The following TMOD3 variants were observed in gnomAD, a reference collection of about 807,000 sequenced individuals.
TMOD3 encodes the protein tropomodulin-3.
TMOD3 carries 20 observed loss-of-function variants against 39.2 expected under a neutral mutation model. That is an observed-to-expected ratio of 0.51 (90% confidence interval 0.36 to 0.74). The LOEUF (loss-of-function observed/expected upper bound fraction) is 0.74, where lower values mean the gene tolerates loss of function less well. Among genes scored for constraint, TMOD3 ranks in the 30% least tolerant of loss-of-function variants. The pLI is 0.00. For synonymous variants in TMOD3, 143 were observed against 145.8 expected (o/e 0.98, Z 0.14); for missense variants, 381 against 412.8 (o/e 0.92, Z 0.67).
chr15:51,846,772 C>A (rs1351688785), intron 1 of TMOD3, among the ~76,000 whole-genome samples: 1 of 152,182 alleles, frequency 6.6e-6, no homozygotes, highest in Non-Finnish European at 1.5e-5. Flanking sequence ...TTATTACCAT[C>A]AGAGACTTGT....
At chr15:51,892,044 C>CT (rs2141702513) in intron 5 of TMOD3, among the ~76,000 whole-genome samples, 1 of 151,314 alleles carries the variant, frequency 6.6e-6, no homozygotes, top group African/African-American at 2.4e-5. Context: ...ATTTTCAAAC[C>CT]TTCATCTAAG....
chr15:51,868,649 G>T (rs543205952), intron 2 of TMOD3, among the ~76,000 whole-genome samples: 1 of 152,182 alleles, frequency 6.6e-6, no homozygotes, highest in Non-Finnish European at 1.5e-5. Context: ...TTTTCTGCTA[G>T]TAGAATCCTC....
intron 3 of TMOD3, among the ~76,000 whole-genome samples, chr15:51,873,373 G>A (rs1020663235): frequency 2.0e-5 from 3 of 152,196 alleles, no homozygotes; most frequent in Admixed American, 2.0e-4. Context: ...TAGACTTTCA[G>A]ATTGAGGATG....
intron 6 of TMOD3, among the ~76,000 whole-genome samples, chr15:51,894,492 C>G (rs988510472): frequency 2.6e-5 from 4 of 152,146 alleles, no homozygotes; most frequent in African/African-American, 9.7e-5. Flanking sequence ...CAGGTGCATA[C>G]AATTTTGTAC....
In TMOD3 at chr15:51,889,084, G is replaced by T; in HGVS notation, c.435G>T (p.Thr145=). ...AAILGMHNLI[T]NTKFCNIMGS... is the part of the protein sequence containing the mutation. ...TTCTTGGGATGCACAATTTGATAAC[G>T]AATACAAAGTTCTGTAATATAATGG... Residue 145 remains threonine, a synonymous_variant, in exon 5 of 10, where the codon ACG becomes ACT. Coordinates refer to ENST00000308580, the MANE Select transcript of TMOD3 (RefSeq NM_014547.5). The T allele has an allele frequency of 6.3e-7, 1 of 1,582,334 alleles. No individual in the cohort carries two copies. The highest frequency in any genetic ancestry group is 2.3e-5 in the East Asian group (1 of 43,428).
intron 1 of TMOD3, among the ~76,000 whole-genome samples, chr15:51,856,580 T>A (rs2056388703): frequency 6.7e-6 from 1 of 148,916 alleles, no homozygotes; most frequent in Admixed American, 6.8e-5. Context: ...TTGTTACATA[T>A]AACCAACAAA....
chr15:51,885,343 G>T (rs1283499707), intron 3 of TMOD3, among the ~76,000 whole-genome samples: 1 of 149,392 alleles, frequency 6.7e-6, no homozygotes, highest in Non-Finnish European at 1.5e-5. Flanking sequence ...CGGAGAGGGG[G>T]ACTTGGCAGG....
intron 1 of TMOD3, among the ~76,000 whole-genome samples, chr15:51,835,644 A>G (rs115852710): frequency 4.5e-4 from 69 of 152,156 alleles, no homozygotes; most frequent in African/African-American, 1.5e-3. Flanking sequence ...GTCTATTCCA[A>G]TCCTTTGTGA....
At chr15:51,890,013 C>T (rs189123395) in intron 5 of TMOD3, among the ~76,000 whole-genome samples, 134 of 152,256 alleles carry the variant, frequency 8.8e-4, no homozygotes, top group Admixed American at 3.3e-3. Flanking sequence ...CAAACACCAC[C>T]TACCCTGTTA....
intron 9 of TMOD3, among the ~76,000 whole-genome samples, chr15:51,903,285 G>A (rs1443644594): frequency 6.6e-6 from 1 of 152,186 alleles, no homozygotes; most frequent in Non-Finnish European, 1.5e-5. Context: ...ATGGTACTTA[G>A]AATTTTATTT....
intron 1 of TMOD3, among the ~76,000 whole-genome samples, chr15:51,838,056 G>A (rs1392862312): frequency 6.6e-6 from 1 of 152,184 alleles, no homozygotes; most frequent in Non-Finnish European, 1.5e-5. Context: ...GGCTGCAGGC[G>A]GAAGAGCATG....
intron 1 of TMOD3, among the ~76,000 whole-genome samples, chr15:51,854,960 G>A (rs1442385177): frequency 6.6e-6 from 1 of 152,176 alleles, no homozygotes; most frequent in Non-Finnish European, 1.5e-5. Flanking sequence ...CTAGAAATAA[G>A]TGATAAATGA....
At chr15:51,844,399 T>C (rs1203223656) in intron 1 of TMOD3, among the ~76,000 whole-genome samples, 1 of 152,224 alleles carries the variant, frequency 6.6e-6, no homozygotes, top group Non-Finnish European at 1.5e-5. Flanking sequence ...CCTTAAAATA[T>C]CACCTTCTGC....
At chr15:51,841,612 C>G (rs1171426543) in intron 1 of TMOD3, among the ~76,000 whole-genome samples, 1 of 152,198 alleles carries the variant, frequency 6.6e-6, no homozygotes, top group African/African-American at 2.4e-5. Context: ...TCCCTTCTTT[C>G]ATCAGTTCTG....
intron 1 of TMOD3, among the ~76,000 whole-genome samples, chr15:51,851,080 C>G (rs1257989950): frequency 6.6e-6 from 1 of 152,054 alleles, no homozygotes; most frequent in Non-Finnish European, 1.5e-5. Flanking sequence ...TCCAGAGAGA[C>G]ACAGTCAAAG....
At chr15:51,898,281 A>C (rs1424227458) in intron 7 of TMOD3, among the ~76,000 whole-genome samples, 1 of 152,100 alleles carries the variant, frequency 6.6e-6, no homozygotes, top group Non-Finnish European at 1.5e-5. Context: ...TTCTTCCTAA[A>C]ATAATCCACT....
chr15:51,861,164 T>A, intron 1 of TMOD3: 1 of 484,376 alleles, frequency 2.1e-6, no homozygotes, highest in Non-Finnish European at 4.1e-6. Flanking sequence ...TTTCCTGGAT[T>A]CTGTACTGTA....
At chr15:51,850,656 C>A (rs2056356900) in intron 1 of TMOD3, among the ~76,000 whole-genome samples, 1 of 152,044 alleles carries the variant, frequency 6.6e-6, no homozygotes, top group African/African-American at 2.4e-5. Flanking sequence ...TTAAATGTAG[C>A]CAGTCAGTTC....
chr15:51,854,095 G>C lies in TMOD3; in HGVS notation c.-74-8716G>C, dbSNP rs1436929793. Reference sequence around the variant, plus strand: ...TAGGAAAACTAGCTAGTAAGGACCAGCTTCTCTGAACTGTGTATCTTATGC... The same window carrying C: ...TAGGAAAACTAGCTAGTAAGGACCACCTTCTCTGAACTGTGTATCTTATGC... On this transcript the variant is annotated intron_variant, in intron 1 of 9. Transcript: ENST00000308580. Among the ~76,000 whole-genome samples the C allele has an allele frequency of 7.2e-5, 11 of 152,216 alleles. No homozygotes were observed. The East Asian group carries it at 1.7e-3, about 24-fold the overall frequency.
Sources: allele counts gnomAD v4.1 joint callset (sites outside exome capture counted in the v4.1 genomes callset), GRCh38; gene constraint gnomAD v4.1.1; transcripts MANE v1.5; gene names NCBI Gene and HGNC (gene_info 2026-07-23, HGNC 2026-07-21).